The following RUVBL1 variants were observed in gnomAD, a reference collection of about 807,000 sequenced individuals.
RUVBL1 encodes the protein ruvB-like 1.
In RUVBL1, 4 loss-of-function variants were observed where a neutral mutation model predicts 52.4. The ratio of observed to expected loss-of-function variants is 0.08; its 90% CI spans 0.04 to 0.17. The LOEUF (loss-of-function observed/expected upper bound fraction) is 0.17, where lower values mean the gene tolerates loss of function less well. Among genes scored for constraint, RUVBL1 ranks in the 10% least tolerant of loss-of-function variants. The pLI is 1.00. For missense variants in RUVBL1, 298 were observed against 572.8 expected (o/e 0.52, Z 4.90); for synonymous variants, 217 against 214.4 (o/e 1.01, Z -0.10).
intron 9 of RUVBL1, chr3:128,083,348 T>A (rs1034440289): frequency 6.6e-6 from 1 of 152,182 alleles, no homozygotes; most frequent in African/African-American, 2.4e-5. Context: ...AAACAAGATA[T>A]CAAGAAGCCC....
upstream of RUVBL1, among the ~76,000 whole-genome samples, chr3:128,124,604 C>T (rs1187768597): frequency 6.6e-6 from 1 of 152,186 alleles, no homozygotes; most frequent in East Asian, 1.9e-4. Context: ...TTGTACTTGC[C>T]ATCCATCCAT....
chr3:128,064,842 C>T (rs768136095), exon 10 of RUVBL1: 24 of 1,535,772 alleles, frequency 1.6e-5, no homozygotes, highest in East Asian at 2.3e-5. Context: ...GTTGCCTGTT[C>T]GTTCCTTCAT....
chr3:128,123,444 G>A, intron 1 of RUVBL1, 140 bp downstream of exon 1: 1 of 1,095,902 alleles, frequency 9.1e-7, no homozygotes, highest in Non-Finnish European at 1.2e-6. Flanking sequence ...CCGAGCCCCT[G>A]GCCCATTTTC....
chr3:128,110,099 G>T (rs558458458), intron 3 of RUVBL1, among the ~76,000 whole-genome samples: 2 of 152,228 alleles, frequency 1.3e-5, no homozygotes, highest in African/African-American at 4.8e-5. Context: ...TTACAGGCAT[G>T]AGCCACCGCA....
At position 128,100,991 on chromosome 3, in the gene RUVBL1, T is replaced by TTAAC. The variant is rs371527442; in HGVS notation, c.604-251_604-248dup. 2.8e-3 allele frequency among the ~76,000 whole-genome samples: 419 copies of TTAAC among 152,348 alleles called. 1 individual carries two copies. Among genetic ancestry groups the TTAAC allele is most frequent in the African/African-American group, 9.3e-3 (386 of 41,572 alleles). ...CAAAATCCTTTTTCCCTTCTTTCTT[T>TTAAC]TAACTGTATGCAATTCCTGATAAAG... On this transcript the variant is annotated intron_variant, in intron 5 of 10. Coordinates refer to ENST00000322623, the MANE Select transcript of RUVBL1 (RefSeq NM_003707.3).
chr3:128,082,572 G>T lies in RUVBL1; in HGVS notation c.1122C>A (p.Ile374=), dbSNP rs766001966. The change falls in exon 10 of 11, where the codon ATC becomes ATA. Residue 374 remains isoleucine, a splice_region_variant and synonymous_variant. Coordinates refer to ENST00000322623, the MANE Select transcript of RUVBL1 (RefSeq NM_003707.3). This position sits in a 1 kb window ranked among gnomAD's most constrained non-coding sequence, Gnocchi z 4.7. The part of the protein sequence containing the change: ...MLYTPQEMKQ[I]IKIRAQTEGI... The stretch of plus-strand genomic sequence containing the variant: ...CTTCCGTCTGGGCACGGATTTTAAT[G>T]ATCTTTTAAAGGATAAAAAACATGA... 6.8e-6 allele frequency: 11 copies of T among 1,611,226 alleles called. No individual in the cohort carries two copies. Among genetic ancestry groups the T allele is most frequent in the Admixed American group, 1.7e-5 (1 of 59,500 alleles).
At chr3:128,118,107 G>C (rs1943567983) in intron 2 of RUVBL1, among the ~76,000 whole-genome samples, 1 of 152,156 alleles carries the variant, frequency 6.6e-6, no homozygotes, top group South Asian at 2.1e-4. Flanking sequence ...ACTTTAGGAA[G>C]AAGAAAAATG....
chr3:128,084,841 A>T (rs924925786), intron 9 of RUVBL1: 7 of 152,298 alleles, frequency 4.6e-5, no homozygotes, highest in Non-Finnish European at 7.3e-5. Context: ...CAAAGCCACG[A>T]GTCCTGAGAG....
Position 128,121,110 on chromosome 3 carries a change from C to G in RUVBL1, c.142-1696G>C, listed in dbSNP as rs376726356. Reference sequence around the variant, plus strand: ...ATTCTTCAGATGCTACTTTTCTTTTCTCTTTCAGATGGAGTCTCGCTGTCA... The same window carrying G: ...ATTCTTCAGATGCTACTTTTCTTTTGTCTTTCAGATGGAGTCTCGCTGTCA... On this transcript the variant is annotated intron_variant, in intron 1 of 10. Transcript: ENST00000322623. Among the ~76,000 whole-genome samples, 53 of 152,180 alleles carry G rather than the reference C, an allele frequency of 3.5e-4. No homozygotes were observed. In the South Asian group the frequency reaches 1.0e-2, roughly 29 times the overall value.
chr3:128,101,494 T>C, intron 5 of RUVBL1, 65 bp downstream of exon 5: 2 of 1,477,432 alleles, frequency 1.4e-6, no homozygotes, highest in Non-Finnish European at 1.9e-6. Flanking sequence ...GCAACTCCCT[T>C]GTCACTTAGG....
chr3:128,096,827 C>CAA (rs141543448), intron 8 of RUVBL1, among the ~76,000 whole-genome samples: 1 of 139,066 alleles, frequency 7.2e-6, no homozygotes, highest in Non-Finnish European at 1.6e-5. Flanking sequence ...ACTCTGTCCC[C>CAA]AAAAAAAAAA....
rs72986235 is a variant in RUVBL1, at chr3:128,094,369, C to T, written c.1016+2931G>A. Among the ~76,000 whole-genome samples the T allele has an allele frequency of 8.7e-4, 132 of 152,292 alleles. 1 individual carries two copies. Among genetic ancestry groups the T allele is most frequent in the African/African-American group, 3.1e-3 (128 of 41,544 alleles). On this transcript the variant is annotated intron_variant, in intron 8 of 10. Coordinates refer to ENST00000322623, the MANE Select transcript of RUVBL1 (RefSeq NM_003707.3). ...CGGCAAGAAGCCGAGAGGGAGCGTA[C>T]ACTACCTGGGAAAGAACACTCCTAG...
At chr3:128,153,594 C>A (rs747332923) in exon 1 of RUVBL1, 3 of 1,586,304 alleles carry the variant, frequency 1.9e-6, no homozygotes, top group Non-Finnish European at 2.6e-6. Flanking sequence ...CGCTAAGCAC[C>A]ACAGCCTCCA....
intron 1 of RUVBL1, among the ~76,000 whole-genome samples, chr3:128,147,015 C>CAGGGAGTCCT (rs1944116776): frequency 6.6e-6 from 1 of 152,222 alleles, no homozygotes; most frequent in Non-Finnish European, 1.5e-5. Flanking sequence ...AGTAAAAGAA[C>CAGGGAGTCCT]AGCTTCAGTA....
rs1354947174 is a variant in RUVBL1, at chr3:128,097,240, G to A, written c.1016+60C>T. 1.5e-5 allele frequency: 22 copies of A among 1,495,260 alleles called. No individual in the cohort carries two copies. In the South Asian group the frequency reaches 1.6e-4, roughly 11 times the overall value. 92.6% of individuals were successfully genotyped at this position (1,495,260 alleles called of 1,614,324 possible). A position where few individuals can be genotyped will look rare whatever the true frequency, so the allele number is the denominator to read the frequency against. On this transcript the variant is annotated intron_variant, in intron 8 of 10. Coordinates refer to ENST00000322623, the MANE Select transcript of RUVBL1 (RefSeq NM_003707.3). ...TCATGGGGTTTGGAGAGATCCTGAGGAACAAATGAGCCCAGATGGAAGTTA... is the reference window on the plus strand; with the variant it reads ...TCATGGGGTTTGGAGAGATCCTGAGAAACAAATGAGCCCAGATGGAAGTTA...
At position 128,082,357 on chromosome 3, in the gene RUVBL1, C is replaced by T; in HGVS notation, c.1211+126G>A. 1 of 709,722 alleles carries T rather than the reference C, an allele frequency of 1.4e-6. No individual in the cohort carries two copies. Among genetic ancestry groups the T allele is most frequent in the Non-Finnish European group, 2.5e-6 (1 of 406,820 alleles). The allele number at this position is 709,722 out of a possible 1,614,324, so 44.0% of individuals were successfully genotyped here. A position where few individuals can be genotyped will look rare whatever the true frequency, so the allele number is the denominator to read the frequency against. ...CTCAAGTGCCCTGGCACCCATCGCG[C>T]CAGGAAGAGCGGATGGATAGAGTCC... On this transcript the variant is annotated intron_variant, in intron 10 of 10. Coordinates refer to ENST00000322623, the MANE Select transcript of RUVBL1 (RefSeq NM_003707.3). The surrounding 1 kb of genome is among the most constrained non-coding windows in gnomAD (Gnocchi z 4.7).
At position 128,123,755 on chromosome 3, in the gene RUVBL1, G is replaced by A. The variant is rs372197715; in HGVS notation, c.-31C>T. 3.2e-6 allele frequency: 5 copies of A among 1,583,258 alleles called. No homozygotes were observed. The highest frequency in any genetic ancestry group is 2.7e-5 in the African/African-American group (2 of 74,452). Reference sequence around the variant, plus strand: ...AGACGCCGGGAGCTAAAACCAGCGTGGAAAACCAGCAGCTAGGACAGTGCG... The same window carrying A: ...AGACGCCGGGAGCTAAAACCAGCGTAGAAAACCAGCAGCTAGGACAGTGCG... On this transcript the variant is annotated 5_prime_UTR_variant, in exon 1 of 11. Coordinates refer to ENST00000322623, the MANE Select transcript of RUVBL1 (RefSeq NM_003707.3).
At chr3:128,147,593 C>T (rs1387760326) in intron 1 of RUVBL1, among the ~76,000 whole-genome samples, 1 of 152,068 alleles carries the variant, frequency 6.6e-6, no homozygotes, top group Non-Finnish European at 1.5e-5. Flanking sequence ...AAAAACAAGA[C>T]ACTCAACAAT....
At chr3:128,110,407 G>A (rs1029406208) in intron 3 of RUVBL1, among the ~76,000 whole-genome samples, 2 of 152,122 alleles carry the variant, frequency 1.3e-5, no homozygotes, top group Non-Finnish European at 2.9e-5. Flanking sequence ...TGAGGTGGAA[G>A]AATCACTTGA....
Sources: gnomAD v4.1 joint callset for allele counts (sites outside exome capture counted in the v4.1 genomes callset) on GRCh38, gnomAD v4.1.1 for gene constraint, Gnocchi (gnomAD v3.1) non-coding constraint, MANE v1.5 for transcripts, NCBI Gene and HGNC (gene_info 2026-07-23, HGNC 2026-07-21) for gene names.